The following RACGAP1 variants were observed in gnomAD, a reference collection of about 807,000 sequenced individuals.
RACGAP1 encodes the protein rac GTPase-activating protein 1.
In RACGAP1, 30 loss-of-function variants were observed where a neutral mutation model predicts 78.1. The ratio of observed to expected loss-of-function variants is 0.38; its 90% CI spans 0.29 to 0.52. The LOEUF (loss-of-function observed/expected upper bound fraction) is 0.52, where lower values mean the gene tolerates loss of function less well. Among genes scored for constraint, RACGAP1 ranks in the 20% least tolerant of loss-of-function variants. The pLI, the probability that RACGAP1 is intolerant of heterozygous loss-of-function variation, is 0.82. For missense variants in RACGAP1, 587 were observed against 777.1 expected (o/e 0.76, Z 2.91); for synonymous variants, 231 against 264.8 (o/e 0.87, Z 1.24).
chr12:50,015,799 C>A (rs1386974258), intron 2 of RACGAP1, among the ~76,000 whole-genome samples: 2 of 149,190 alleles, frequency 1.3e-5, no homozygotes, highest in African/African-American at 5.0e-5. Context: ...AAGACTCCAT[C>A]TCAAAAATAA....
upstream of RACGAP1, among the ~76,000 whole-genome samples, chr12:50,026,255 G>A (rs1950263622): frequency 6.6e-6 from 1 of 151,882 alleles, no homozygotes; most frequent in Admixed American, 6.6e-5. Context: ...AACAACGCAT[G>A]GCTACCCGCA....
intron 12 of RACGAP1, among the ~76,000 whole-genome samples, chr12:49,993,253 A>G (rs1383200694): frequency 6.6e-6 from 1 of 152,240 alleles, no homozygotes; most frequent in African/African-American, 2.4e-5. Flanking sequence ...ATGTAAGAGC[A>G]TTCAGGTTGA....
chr12:50,014,268 G>C (rs1428983811), intron 2 of RACGAP1, among the ~76,000 whole-genome samples: 1 of 152,218 alleles, frequency 6.6e-6, no homozygotes, highest in Non-Finnish European at 1.5e-5. Context: ...GTAATACAAA[G>C]AGAAGCTGGT....
chr12:50,011,729 G>C (rs1949343867), intron 2 of RACGAP1, among the ~76,000 whole-genome samples: 2 of 152,044 alleles, frequency 1.3e-5, no homozygotes, highest in South Asian at 4.1e-4. Flanking sequence ...GACGAGGCAG[G>C]AGGATCATGA....
rs912789409 is a variant in RACGAP1, at chr12:50,025,388, C to A, written c.-5+10G>T. ...GCAGACGCACCTGGTCTGGCACCCCCACTACTCACTTCAGTCAGCCTGGCC... is the reference window on the plus strand; with the variant it reads ...GCAGACGCACCTGGTCTGGCACCCCAACTACTCACTTCAGTCAGCCTGGCC... On this transcript the variant is annotated intron_variant, in intron 1 of 16. Coordinates refer to ENST00000312377, the MANE Select transcript of RACGAP1 (RefSeq NM_001319999.2). 2.0e-6 allele frequency: 2 copies of A among 985,780 alleles called. No individual in the cohort carries two copies. The highest frequency in any genetic ancestry group is 2.4e-6 in the Non-Finnish European group (2 of 830,200). 61.1% of individuals were successfully genotyped at this position (985,780 alleles called of 1,614,324 possible). A position where few individuals can be genotyped will look rare whatever the true frequency, so the allele number is the denominator to read the frequency against.
intron 1 of RACGAP1, among the ~76,000 whole-genome samples, chr12:50,018,190 A>C (rs1386878595): frequency 6.6e-6 from 1 of 151,968 alleles, no homozygotes; most frequent in Non-Finnish European, 1.5e-5. Flanking sequence ...ATAAACATGA[A>C]GATATTTTAT....
Position 50,032,724 on chromosome 12 carries a change from G to A in RACGAP1, c.-195+246C>T, listed in dbSNP as rs141560056. ...AAGCTTGGGTTCGATTCCCCGCTCT[G>A]CCACCTAGGAGAGGTGCAGTATCCG... On this transcript the variant is annotated intron_variant, in intron 1 of 3. Coordinates refer to the RACGAP1 transcript ENST00000548247. 3.3e-5 allele frequency among the ~76,000 whole-genome samples: 5 copies of A among 152,340 alleles called. 1 individual carries two copies. The highest frequency in any genetic ancestry group is 6.5e-5 in the Admixed American group (1 of 15,308).
chr12:50,005,305 C>T lies in RACGAP1; in HGVS notation c.376G>A (p.Ala126Thr), dbSNP rs1948907407. The change falls in exon 4 of 17, where the codon GCT (alanine) becomes ACT (threonine). Residue 126 changes from alanine to threonine, a missense_variant. Coordinates refer to ENST00000312377, the MANE Select transcript of RACGAP1 (RefSeq NM_001319999.2). ...QLSEEQKSAL[A>T]FLNRGQPSSS... is the part of the protein sequence containing the mutation. ...GATGGTTGGCCTCTGTTGAGAAAAG[C>T]CAGAGCTGATTTTTGCTCCTCGCTT... 1 of 1,614,094 alleles carries T rather than the reference C, an allele frequency of 6.2e-7. No homozygotes were observed. Among genetic ancestry groups the T allele is most frequent in the African/African-American group, 1.3e-5 (1 of 74,938 alleles).
intron 8 of RACGAP1, 87 bp downstream of exon 8, chr12:49,999,529 C>T: frequency 1.7e-6 from 2 of 1,210,298 alleles, no homozygotes; most frequent in South Asian, 1.3e-5. Flanking sequence ...CATCCAATCC[C>T]CGCCTCCAGA....
rs1240703287 is a variant in RACGAP1 at position 49,989,802 on chromosome 12, T to A, written c.*466A>T. ...TCTTAGAAGGAGGCATCCTAAATCCTCTGGTCTAATCCTTTCTTTGCCCTG... is the reference window on the plus strand; with the variant it reads ...TCTTAGAAGGAGGCATCCTAAATCCACTGGTCTAATCCTTTCTTTGCCCTG... On this transcript the variant is annotated 3_prime_UTR_variant, in exon 17 of 17. Transcript: ENST00000312377. 6.5e-6 allele frequency: 1 copy of A among 154,788 alleles called. No homozygotes were observed. Among genetic ancestry groups the A allele is most frequent in the Non-Finnish European group, 1.4e-5 (1 of 69,620 alleles). 9.6% of individuals were successfully genotyped at this position (154,788 alleles called of 1,614,324 possible).
At chr12:50,014,149 A>T (rs1949514918) in intron 2 of RACGAP1, among the ~76,000 whole-genome samples, 1 of 152,220 alleles carries the variant, frequency 6.6e-6, no homozygotes, top group South Asian at 2.1e-4. Context: ...AGTACTATAG[A>T]AATAAAAAAA....
At chr12:50,002,187 T>A in intron 6 of RACGAP1, 60 bp downstream of exon 6, 1 of 1,505,764 alleles carries the variant, frequency 6.6e-7, no homozygotes, top group Admixed American at 1.8e-5. Context: ...ATGGCAAAAT[T>A]TCCAAAAATA....
Position 50,024,652 on chromosome 12 carries a change from T to A in RACGAP1, c.-5+746A>T, listed in dbSNP as rs188773334. 5.7e-3 allele frequency among the ~76,000 whole-genome samples: 870 copies of A among 152,092 alleles called. 10 individuals are homozygous for A. The highest frequency in any genetic ancestry group is 0.024 in the Middle Eastern group (7 of 294). On this transcript the variant is annotated intron_variant, in intron 1 of 16. Coordinates refer to ENST00000312377, the MANE Select transcript of RACGAP1 (RefSeq NM_001319999.2). The stretch of plus-strand genomic sequence containing the variant: ...AATCTGCACTTGTACCCCCTAAATA[T>A]ACAAAAATTTTTTTAAGTCCCCTCC...
chr12:49,996,775 G>A (rs1350212400), intron 10 of RACGAP1, among the ~76,000 whole-genome samples: 2 of 151,154 alleles, frequency 1.3e-5, no homozygotes, highest in Non-Finnish European at 2.9e-5. Flanking sequence ...ATGGGATGAA[G>A]GGGAGGAAGG....
chr12:50,022,475 A>G (rs7308994), intron 1 of RACGAP1, among the ~76,000 whole-genome samples: 23,225 of 152,024 alleles, frequency 0.15, 2,856 homozygotes, highest in African/African-American at 0.34. Context: ...CCAGCTCCTC[A>G]GGAGGCTGAG....
intron 8 of RACGAP1, 168 bp downstream of exon 8, chr12:49,999,448 A>T (rs1948511804): frequency 1.7e-5 from 17 of 1,001,238 alleles, no homozygotes; most frequent in Non-Finnish European, 2.5e-5. Context: ...GTGGGCTAGC[A>T]ATTCAAAGGT....
chr12:49,992,584 C>T lies in RACGAP1; in HGVS notation c.1411G>A (p.Asp471Asn), dbSNP rs770793317. 7 of 1,614,160 alleles carry T rather than the reference C, an allele frequency of 4.3e-6. No homozygotes were observed. The highest frequency in any genetic ancestry group is 5.9e-6 in the Non-Finnish European group (7 of 1,180,016). ...AVGELPQANRDTLAFLMIHLQ... is the reference protein window; with the variant it reads ...AVGELPQANRNTLAFLMIHLQ... ...TGAATCATGAGGAAAGCTAATGTGT[C>T]CCTGTTGGCCTGGGGCAGTTCACCA... Residue 471 changes from aspartate to asparagine, a missense_variant, in exon 13 of 17, where the codon GAC becomes AAC. Asp to Asn is a conservative substitution (Grantham distance 23, BLOSUM62 1). Transcript: ENST00000312377.
intron 5 of RACGAP1, among the ~76,000 whole-genome samples, chr12:50,003,050 A>G (rs191532718): frequency 6.6e-6 from 1 of 150,950 alleles, no homozygotes; most frequent in East Asian, 1.9e-4. Flanking sequence ...AAAAAGTTCT[A>G]CAGTTTAGGA....
In RACGAP1 at chr12:50,001,214, T is replaced by A; in HGVS notation, c.588A>T (p.Gly196=). ...TSRQFVDGPP[G]PVKKTRSIGS... is the part of the protein sequence containing the mutation. ...CAATGGAACGAGTTTTCTTTACAGG[T>A]CCAGGGGGACCATCAACAAACTGTC... Residue 196 remains glycine (G), a synonymous_variant, in exon 7 of 17, where the codon GGA becomes GGT. Coordinates refer to ENST00000312377, the MANE Select transcript of RACGAP1 (RefSeq NM_001319999.2). 6.2e-7 allele frequency: 1 copy of A among 1,612,304 alleles called. No individual in the cohort carries two copies. The highest frequency in any genetic ancestry group is 1.1e-5 in the South Asian group (1 of 91,054).
Sources: allele counts gnomAD v4.1 joint callset (sites outside exome capture counted in the v4.1 genomes callset), GRCh38; gene constraint gnomAD v4.1.1; transcripts MANE v1.5; gene names NCBI Gene and HGNC (gene_info 2026-07-23, HGNC 2026-07-21).